Variants in BMP6 observed in about 807,000 individuals in gnomAD.
BMP6 encodes the protein bone morphogenetic protein 6.
BMP6 carries 17 observed loss-of-function variants against 54.1 expected under a neutral mutation model. The observed-to-expected ratio is 0.31, with a 90% CI of 0.22 to 0.47. The LOEUF is 0.47. Among genes scored for constraint, BMP6 ranks in the 20% least tolerant of loss-of-function variants. BMP6 has a pLI of 1.00. For synonymous variants in BMP6, 328 were observed against 291.2 expected (o/e 1.13, Z -1.28); for missense variants, 720 against 690.4 (o/e 1.04, Z -0.48).
intron 1 of BMP6, among the ~76,000 whole-genome samples, chr6:7,734,987 G>A (rs985184782): frequency 3.9e-5 from 6 of 152,212 alleles, no homozygotes; most frequent in Admixed American, 6.5e-5. Context: ...ATTGTCCTAG[G>A]CCTAAAATGT....
At chr6:7,783,344 G>A (rs767225442) in intron 1 of BMP6, among the ~76,000 whole-genome samples, 7 of 152,188 alleles carry the variant, frequency 4.6e-5, no homozygotes, top group Non-Finnish European at 1.0e-4. Flanking sequence ...AAAGTTATCC[G>A]GAGCAGTTGC....
chr6:7,830,024 T>G (rs1009760258), intron 1 of BMP6, among the ~76,000 whole-genome samples: 4 of 152,230 alleles, frequency 2.6e-5, no homozygotes, highest in Non-Finnish European at 5.9e-5. Flanking sequence ...ATCTCACATC[T>G]TCAGCCTGAC....
chr6:7,786,366 T>C (rs531072540), intron 1 of BMP6, among the ~76,000 whole-genome samples: 2 of 152,300 alleles, frequency 1.3e-5, no homozygotes, highest in East Asian at 3.9e-4. Flanking sequence ...GAGGCCCCTT[T>C]AAAACCTCAT....
At chr6:7,825,220 C>T (rs903315900) in intron 1 of BMP6, among the ~76,000 whole-genome samples, 24 of 127,568 alleles carry the variant, frequency 1.9e-4, no homozygotes, top group Non-Finnish European at 2.2e-4. Context: ...TTCAAGCTTA[C>T]GTGAGCTGTA....
chr6:7,816,324 A>T (rs958992643), intron 1 of BMP6, among the ~76,000 whole-genome samples: 1 of 152,188 alleles, frequency 6.6e-6, no homozygotes, highest in Non-Finnish European at 1.5e-5. Context: ...TCCCCTCCGT[A>T]ATCCACAGAA....
At chr6:7,858,085 G>GATTT (rs561126119) in intron 2 of BMP6, among the ~76,000 whole-genome samples, 100 of 152,032 alleles carry the variant, frequency 6.6e-4, no homozygotes, top group Admixed American at 4.1e-3. Flanking sequence ...ACTGGTGATC[G>GATTT]ATTTATTTAT....
chr6:7,745,934 T>C (rs1373989896), intron 1 of BMP6, among the ~76,000 whole-genome samples: 3 of 151,976 alleles, frequency 2.0e-5, no homozygotes, highest in African/African-American at 7.3e-5. Context: ...CGTCACTACA[T>C]TCCAGCCTAG....
At chr6:7,732,824 T>C (rs1761889394) in intron 1 of BMP6, among the ~76,000 whole-genome samples, 1 of 152,200 alleles carries the variant, frequency 6.6e-6, no homozygotes, top group African/African-American at 2.4e-5. Flanking sequence ...AGCAGCTTTC[T>C]GTAACTTTTT....
At chr6:7,785,814 C>T (rs1339689811) in intron 1 of BMP6, among the ~76,000 whole-genome samples, 1 of 152,162 alleles carries the variant, frequency 6.6e-6, no homozygotes, top group African/African-American at 2.4e-5. Context: ...ATATGTCCTT[C>T]CAAGGACCCT....
chr6:7,757,146 G>T (rs1348463523), intron 1 of BMP6, among the ~76,000 whole-genome samples: 1 of 152,194 alleles, frequency 6.6e-6, no homozygotes, highest in African/African-American at 2.4e-5. Context: ...TCCCTGGGCT[G>T]CCACGTAAAC....
At position 7,727,383 on chromosome 6, in the gene BMP6, T is replaced by A; in HGVS notation, c.428T>A (p.Leu143Gln). ...PLFMLDLYNA[L>Q]SADNDEDGAS... ...TTCATGCTGGATCTGTACAACGCCC[T>A]GTCCGCCGACAACGACGAGGACGGG... Residue 143 changes from leucine (L) to glutamine (Q), a missense_variant, in exon 1 of 7, where the codon CTG becomes CAG. Physicochemically the swap from Leu to Gln is moderately radical, Grantham distance 113 (BLOSUM62 -2). This residue lies in a region of BMP6 where 650 missense variants were observed against 556.3 expected (regional missense o/e 1.17). Coordinates refer to ENST00000283147, the MANE Select transcript of BMP6 (RefSeq NM_001718.6). 1 of 1,608,422 alleles carries A rather than the reference T, an allele frequency of 6.2e-7. No individual in the cohort carries two copies. The highest frequency in any genetic ancestry group is 8.5e-7 in the Non-Finnish European group (1 of 1,178,040).
chr6:7,856,478 G>A (rs373779764), intron 2 of BMP6, among the ~76,000 whole-genome samples: 1 of 151,758 alleles, frequency 6.6e-6, no homozygotes, highest in African/African-American at 2.4e-5. Flanking sequence ...AAGTCCAGAC[G>A]TACAAATGCA....
At chr6:7,750,212 G>C (rs1021156254) in intron 1 of BMP6, among the ~76,000 whole-genome samples, 1 of 152,158 alleles carries the variant, frequency 6.6e-6, no homozygotes, top group Non-Finnish European at 1.5e-5. Context: ...GAACATCTGC[G>C]TGCCTACTGT....
chr6:7,751,292 C>T (rs994809532), intron 1 of BMP6, among the ~76,000 whole-genome samples: 1 of 152,202 alleles, frequency 6.6e-6, no homozygotes, highest in African/African-American at 2.4e-5. Flanking sequence ...AGATCAATCT[C>T]ATGGGGCTCC....
At chr6:7,878,780 C>T (rs573932150) in intron 4 of BMP6, among the ~76,000 whole-genome samples, 8 of 152,368 alleles carry the variant, frequency 5.3e-5, no homozygotes, top group East Asian at 1.9e-4. Context: ...AGTCGGCCCA[C>T]GCCTCCATAG....
intron 1 of BMP6, among the ~76,000 whole-genome samples, chr6:7,785,457 T>C (rs1758006821): frequency 6.6e-6 from 1 of 152,218 alleles, no homozygotes; most frequent in African/African-American, 2.4e-5. Flanking sequence ...TGTTTTATTA[T>C]AGGATTTAAT....
chr6:7,785,009 A>T (rs1191628549), intron 1 of BMP6, among the ~76,000 whole-genome samples: 2 of 152,230 alleles, frequency 1.3e-5, no homozygotes, highest in Admixed American at 1.3e-4. Context: ...TTGCAAACCA[A>T]GAAGTGTAGT....
chr6:7,789,053 T>TA (rs750522815), intron 1 of BMP6, among the ~76,000 whole-genome samples: 5 of 152,226 alleles, frequency 3.3e-5, no homozygotes, highest in Non-Finnish European at 7.3e-5. Flanking sequence ...TTGGCCTATG[T>TA]ATACATTGTA....
At chr6:7,840,853 C>G (rs1328268169) in intron 1 of BMP6, among the ~76,000 whole-genome samples, 1 of 152,158 alleles carries the variant, frequency 6.6e-6, no homozygotes, top group African/African-American at 2.4e-5. Context: ...CATTCAGGAG[C>G]CAGCCACCAA....
Sources: gnomAD v4.1 joint callset for allele counts (sites outside exome capture counted in the v4.1 genomes callset) on GRCh38, gnomAD v4.1.1 for gene constraint, gnomAD v4.1.1 regional missense constraint, MANE v1.5 for transcripts, NCBI Gene and HGNC (gene_info 2026-07-23, HGNC 2026-07-21) for gene names.